Variants in MKLN1 observed in about 807,000 individuals in gnomAD.
The protein encoded by MKLN1 is muskelin.
Under a neutral mutation model 99.0 loss-of-function variants are expected in MKLN1, and 18 were observed. The ratio of observed to expected loss-of-function variants is 0.18; its 90% CI spans 0.13 to 0.27. The LOEUF is 0.27. Among genes scored for constraint, MKLN1 ranks in the 10% least tolerant of loss-of-function variants. The pLI is 1.00. For missense variants in MKLN1, 621 were observed against 875.9 expected, an observed-to-expected ratio of 0.71 and a Z score of 3.67; for synonymous variants, 288 against 293.2, an observed-to-expected ratio of 0.98 and a Z score of 0.18.
At chr7:131,432,279 T>C (rs1795546724) in intron 9 of MKLN1, among the ~76,000 whole-genome samples, 1 of 152,208 alleles carries the variant, frequency 6.6e-6, no homozygotes, top group South Asian at 2.1e-4. Flanking sequence ...AAGGTAATAT[T>C]AAATGTTATT....
chr7:131,212,934 A>G (rs1002202503), intron 3 of MKLN1, among the ~76,000 whole-genome samples: 1 of 144,640 alleles, frequency 6.9e-6, no homozygotes, highest in Non-Finnish European at 1.6e-5. Flanking sequence ...AAAAAAAAAA[A>G]ACAAAAAACA....
chr7:131,329,566 G>T (rs774581281), intron 1 of MKLN1, among the ~76,000 whole-genome samples: 15 of 152,176 alleles, frequency 9.9e-5, no homozygotes, highest in Non-Finnish European at 2.1e-4. Context: ...GTGTGGCATT[G>T]TTTGATCTAA....
chr7:131,163,401 C>T (rs1477935601), intron 2 of MKLN1, among the ~76,000 whole-genome samples: 5 of 152,184 alleles, frequency 3.3e-5, no homozygotes, highest in African/African-American at 4.8e-5. Flanking sequence ...TCAGAGCTTG[C>T]TTTCATTTCT....
At chr7:131,422,812 T>C (rs1228805389) in intron 8 of MKLN1, among the ~76,000 whole-genome samples, 1 of 152,100 alleles carries the variant, frequency 6.6e-6, no homozygotes, top group Non-Finnish European at 1.5e-5. Flanking sequence ...ATGGCACAAA[T>C]TTTATTATTT....
chr7:131,192,545 TTA>T (rs201893537), intron 2 of MKLN1, among the ~76,000 whole-genome samples: 5,498 of 142,424 alleles, frequency 0.039, 373 homozygotes, highest in African/African-American at 0.14. Flanking sequence ...AATATATATA[TTA>T]TATATATTTT....
At position 131,448,334 on chromosome 7, in the gene MKLN1, A is replaced by C. The variant is rs116746886; in HGVS notation, c.1525+2431A>C. ...TGACTGTCATTCAAAACAATTTTTT[A>C]ATGAGTTAAAATTATGTAGTAATGT... On this transcript the variant is annotated intron_variant, in intron 12 of 17. Transcript: ENST00000352689. 2.8e-3 allele frequency among the ~76,000 whole-genome samples: 423 copies of C among 152,366 alleles called. 1 individual carries two copies. Among genetic ancestry groups the C allele is most frequent in the African/African-American group, 9.8e-3 (406 of 41,578 alleles).
intron 3 of MKLN1, among the ~76,000 whole-genome samples, chr7:131,272,268 A>G (rs1334093865): frequency 6.6e-6 from 1 of 152,262 alleles, no homozygotes; most frequent in Non-Finnish European, 1.5e-5. Context: ...CTTGCTTGTT[A>G]CAGCAGCAAG....
chr7:131,436,626 G>T (rs1031059587), intron 9 of MKLN1, among the ~76,000 whole-genome samples: 3 of 152,130 alleles, frequency 2.0e-5, no homozygotes, highest in Non-Finnish European at 4.4e-5. Context: ...TTGTTATAAG[G>T]ATTAAATGGA....
At chr7:131,486,025 G>T (rs977815664) in intron 17 of MKLN1, among the ~76,000 whole-genome samples, 3 of 151,898 alleles carry the variant, frequency 2.0e-5, no homozygotes, top group African/African-American at 7.2e-5. Context: ...CCTATAGGGG[G>T]CAAAGCTGTC....
chr7:131,208,755 C>T (rs1006051738), intron 3 of MKLN1, among the ~76,000 whole-genome samples: 6 of 152,266 alleles, frequency 3.9e-5, no homozygotes, highest in East Asian at 3.9e-4. Flanking sequence ...GCTAGGAATA[C>T]GACAGCAAAC....
chr7:131,133,353 C>CT (rs1198245681), intron 1 of MKLN1, among the ~76,000 whole-genome samples: 4,889 of 93,622 alleles, frequency 0.052, 262 homozygotes, highest in Middle Eastern at 0.11. Flanking sequence ...TTCTTTCTTT[C>CT]TTTTTTTTTT....
intron 12 of MKLN1, among the ~76,000 whole-genome samples, chr7:131,452,509 T>C (rs1796209670): frequency 6.6e-6 from 1 of 151,426 alleles, no homozygotes; most frequent in South Asian, 2.1e-4. Context: ...AAAATTAGTA[T>C]GGTCATAACT....
In MKLN1 at chr7:131,411,299, T is replaced by C. The variant is rs1434668932; in HGVS notation, c.704-7T>C. On this transcript the variant is annotated splice_polypyrimidine_tract_variant and splice_region_variant and intron_variant, in intron 6 of 17. Transcript: ENST00000352689. ...TGTAATTCTTTCTCATTCTTCAATA[T>C]TTGCAGATGGCTTGTTCAATCAGTA... The C allele has an allele frequency of 6.3e-7, 1 of 1,575,384 alleles. No homozygotes were observed. Among genetic ancestry groups the C allele is most frequent in the East Asian group, 2.2e-5 (1 of 44,590 alleles).
chr7:131,283,245 A>G (rs991242643), intron 3 of MKLN1, among the ~76,000 whole-genome samples: 1 of 152,080 alleles, frequency 6.6e-6, no homozygotes, highest in Admixed American at 6.5e-5. Flanking sequence ...CATTATCCAG[A>G]TTTAATAAAT....
At chr7:131,401,091 C>G (rs1794531258) in intron 6 of MKLN1, among the ~76,000 whole-genome samples, 1 of 152,100 alleles carries the variant, frequency 6.6e-6, no homozygotes, top group South Asian at 2.1e-4. Flanking sequence ...ACAAGAAGTT[C>G]CTGCCTGCTA....
At chr7:131,191,136 G>A (rs528304655) in intron 2 of MKLN1, among the ~76,000 whole-genome samples, 6 of 152,324 alleles carry the variant, frequency 3.9e-5, no homozygotes, top group African/African-American at 1.4e-4. Context: ...AGGGCAGCTG[G>A]AGGTGAGCCC....
At chr7:131,473,521 T>TA (rs1377181091) in intron 16 of MKLN1, among the ~76,000 whole-genome samples, 1 of 152,194 alleles carries the variant, frequency 6.6e-6, no homozygotes, top group Non-Finnish European at 1.5e-5. Context: ...ATAAATCTTA[T>TA]AAAAAATGAT....
intron 3 of MKLN1, among the ~76,000 whole-genome samples, chr7:131,274,407 G>T (rs1797930319): frequency 6.6e-6 from 1 of 151,924 alleles, no homozygotes; most frequent in Admixed American, 6.6e-5. Context: ...CTTTGGGAGG[G>T]TGAGGCGGGC....
intron 2 of MKLN1, among the ~76,000 whole-genome samples, chr7:131,376,171 C>A (rs144940716): frequency 0.017 from 1,991 of 116,680 alleles, 55 homozygotes; most frequent in African/African-American, 0.056. Context: ...CTTTGCCTAC[C>A]TATTTGGATC....
Sources: allele counts gnomAD v4.1 joint callset (sites outside exome capture counted in the v4.1 genomes callset), GRCh38; gene constraint gnomAD v4.1.1; transcripts MANE v1.5; gene names NCBI Gene and HGNC (gene_info 2026-07-23, HGNC 2026-07-21).